MICAL3: variants seen among roughly 807,000 people sequenced by gnomAD.
MICAL3 encodes [F-actin]-monooxygenase MICAL3.
In MICAL3, 62 loss-of-function variants were observed where a neutral mutation model predicts 207.4. That is an observed-to-expected ratio of 0.30 (90% confidence interval 0.24 to 0.37). MICAL3 has a LOEUF of 0.37. Among genes scored for constraint, MICAL3 ranks in the 10% least tolerant of loss-of-function variants. The pLI, the probability that MICAL3 is intolerant of heterozygous loss-of-function variation, is 1.00. For synonymous variants in MICAL3, 1,077 were observed against 1,069.3 expected, an observed-to-expected ratio of 1.01 and a Z score of -0.14; for missense variants, 2,368 against 2,635.6, an observed-to-expected ratio of 0.90 and a Z score of 2.22.
At chr22:17,881,048 T>A (rs1415099160) in intron 16 of MICAL3, among the ~76,000 whole-genome samples, 1 of 152,146 alleles carries the variant, frequency 6.6e-6, no homozygotes, top group Non-Finnish European at 1.5e-5. Context: ...CTGAGGGCCA[T>A]AAAAGTTGCT....
At position 17,896,754 on chromosome 22, in the gene MICAL3, T is replaced by C. The variant is rs759151963; in HGVS notation, c.1176A>G (p.Leu392=). 6.2e-7 allele frequency: 1 copy of C among 1,613,830 alleles called. No homozygotes were observed. The highest frequency in any genetic ancestry group is 8.5e-7 in the Non-Finnish European group (1 of 1,179,880). The part of the protein sequence containing the change: ...LVREQNGHQL[L]VALVGDSLLE... ...GGAGGCTGTCCCCGACCAGAGCCAC[T>C]AGTAACTGGTGTCCGTTCTGCTCCC... Residue 392 remains leucine, a synonymous_variant, in exon 8 of 32, where the codon CTA becomes CTG. Coordinates refer to ENST00000441493, the MANE Select transcript of MICAL3 (RefSeq NM_015241.3).
At chr22:17,975,719 A>G (rs1010264696) in intron 1 of MICAL3, among the ~76,000 whole-genome samples, 4 of 152,172 alleles carry the variant, frequency 2.6e-5, no homozygotes, top group African/African-American at 9.7e-5. Flanking sequence ...CACTGTCCCA[A>G]GAGTGAGTTA....
chr22:17,874,937 A>G (rs949911632), intron 16 of MICAL3, among the ~76,000 whole-genome samples: 14 of 152,224 alleles, frequency 9.2e-5, no homozygotes, highest in African/African-American at 3.4e-4. Flanking sequence ...TAGGAGTGGC[A>G]AAGAGACCTT....
intron 29 of MICAL3, among the ~76,000 whole-genome samples, chr22:17,808,291 C>T (rs2062008700): frequency 6.6e-6 from 1 of 152,266 alleles, no homozygotes; most frequent in Non-Finnish European, 1.5e-5. Context: ...CCCTGAGCCT[C>T]TCCAGCCCTG....
At chr22:17,842,058 A>G in intron 19 of MICAL3, 41 bp from the exon 20 acceptor site, 1 of 1,561,416 alleles carries the variant, frequency 6.4e-7, no homozygotes, top group Non-Finnish European at 8.7e-7. Flanking sequence ...AGGTCCAACC[A>G]CAGACGGGGC....
intron 1 of MICAL3, among the ~76,000 whole-genome samples, chr22:17,928,577 C>T (rs936918179): frequency 6.6e-6 from 1 of 152,260 alleles, no homozygotes; most frequent in South Asian, 2.1e-4. Flanking sequence ...GCAAGGAGCA[C>T]TTAAGAAACA....
At chr22:17,819,266 G>A in intron 25 of MICAL3, 137 bp from the exon 26 acceptor site, 1 of 876,988 alleles carries the variant, frequency 1.1e-6, no homozygotes, top group Non-Finnish European at 1.6e-6. Context: ...GCTGTTATTA[G>A]AACAGCTCCA....
intron 1 of MICAL3, among the ~76,000 whole-genome samples, chr22:17,936,919 T>C (rs1316571391): frequency 6.6e-6 from 1 of 152,188 alleles, no homozygotes; most frequent in Non-Finnish European, 1.5e-5. Flanking sequence ...TTGGTAGGTC[T>C]CCTCTCTGAT....
chr22:17,822,403 G>T (rs1921748233), intron 23 of MICAL3, among the ~76,000 whole-genome samples: 1 of 152,218 alleles, frequency 6.6e-6, no homozygotes, highest in Non-Finnish European at 1.5e-5. Flanking sequence ...AAGCCTGTGG[G>T]GCTCTGTTTC....
intron 1 of MICAL3, among the ~76,000 whole-genome samples, chr22:17,949,689 GC>G (rs1934239500): frequency 6.6e-6 from 1 of 152,228 alleles, no homozygotes; most frequent in African/African-American, 2.4e-5. Flanking sequence ...ATACCGTAGT[GC>G]CTGCTCAATG....
Position 17,962,927 on chromosome 22 carries a change from A to T in MICAL3, c.-74-56041T>A, listed in dbSNP as rs12158100. Among the ~76,000 whole-genome samples the T allele has an allele frequency of 5.0e-3, 754 of 152,004 alleles. 4 individuals carry two copies. The highest frequency in any genetic ancestry group is 0.017 in the African/African-American group (697 of 41,440). On this transcript the variant is annotated intron_variant, in intron 1 of 31. Transcript: ENST00000441493. ...CCATGCCCAGCTAAATTTTTTTTTA[A>T]AAAATTTTAGAGACAGGGTCTCACT... is the stretch of plus-strand genomic sequence containing the variant.
chr22:18,021,210 G>C (rs2146519008), intron 1 of MICAL3, among the ~76,000 whole-genome samples: 2 of 152,300 alleles, frequency 1.3e-5, no homozygotes, highest in South Asian at 4.1e-4. Flanking sequence ...TCGTGGCAGG[G>C]AGGGGTAATA....
intron 19 of MICAL3, among the ~76,000 whole-genome samples, chr22:17,858,161 C>T (rs1048131765): frequency 6.6e-6 from 1 of 152,184 alleles, no homozygotes; most frequent in African/African-American, 2.4e-5. Flanking sequence ...CGTGTTTCTG[C>T]GTACAAGCCT....
rs138776349 is a variant in MICAL3, at chr22:17,796,916, TG to T, written c.5651-5616del. Among the ~76,000 whole-genome samples the T allele has an allele frequency of 9.6e-3, 1,458 of 152,238 alleles. 25 individuals carry two copies. Among genetic ancestry groups the T allele is most frequent in the African/African-American group, 0.033 (1,391 of 41,550 alleles). On this transcript the variant is annotated intron_variant, in intron 29 of 31. Coordinates refer to ENST00000441493, the MANE Select transcript of MICAL3 (RefSeq NM_015241.3). This position sits in a 1 kb window ranked among gnomAD's most constrained non-coding sequence, Gnocchi z 4.4. ...GTGTGGGGTAGAATGGCCAACAGTG[TG>T]GGGGAAAGAGTGGCCAGCTGTAGGG...
At chr22:17,817,258 C>G (rs551656707) in intron 26 of MICAL3, 53 bp downstream of exon 26, 272 of 1,509,892 alleles carry the variant, frequency 1.8e-4, no homozygotes, top group Non-Finnish European at 2.3e-4. Context: ...TGACCCCAGC[C>G]CCTCCCGCAC....
In MICAL3 at chr22:17,841,830, G is replaced by C; in HGVS notation, c.2793C>G (p.Val931=). 6.5e-7 allele frequency: 1 copy of C among 1,547,130 alleles called. No individual in the cohort carries two copies. Among genetic ancestry groups the C allele is most frequent in the African/African-American group, 1.4e-5 (1 of 73,276 alleles). ...SVLDTGAEED[V]ASSSSESEME... ...CAGCCCTGCGTGCTGACCTGCTGGC[G>C]ACGTCCTCCTCGGCGCCCGTGTCCA... The change falls in exon 20 of 32, where the codon GTC becomes GTG. Residue 931 remains valine, a synonymous_variant. Transcript: ENST00000441493. The surrounding 1 kb of genome is among the most constrained non-coding windows in gnomAD (Gnocchi z 4.2).
chr22:17,872,108 A>G (rs1927782833), intron 16 of MICAL3, 85 bp from the exon 17 acceptor site: 1 of 1,201,840 alleles, frequency 8.3e-7, no homozygotes, highest in Non-Finnish European at 1.2e-6. Context: ...TTGCGAGAGC[A>G]AAGCCAACCC....
chr22:17,948,164 G>T (rs1196969432), intron 1 of MICAL3, among the ~76,000 whole-genome samples: 5 of 152,156 alleles, frequency 3.3e-5, no homozygotes, highest in Non-Finnish European at 7.4e-5. Context: ...CTGCAGTCTG[G>T]CAAGTCCCCA....
intron 19 of MICAL3, among the ~76,000 whole-genome samples, chr22:17,853,407 C>T (rs1925546655): frequency 6.6e-6 from 1 of 152,228 alleles, no homozygotes; most frequent in Admixed American, 6.5e-5. Context: ...GTCCTAACCC[C>T]ACAGCAGGCA....
Sources: allele counts gnomAD v4.1 joint callset (sites outside exome capture counted in the v4.1 genomes callset), GRCh38; gene constraint gnomAD v4.1.1; non-coding constraint Gnocchi (gnomAD v3.1); transcripts MANE v1.5; gene names NCBI Gene and HGNC (gene_info 2026-07-23, HGNC 2026-07-21).